The following MGAT4C variants were observed in gnomAD, a reference collection of about 807,000 sequenced individuals.
The protein encoded by MGAT4C is MGAT4 family member C.
A neutral mutation model predicts 40.1 loss-of-function variants in MGAT4C; 19 were observed. The observed-to-expected ratio is 0.47, with a 90% CI of 0.33 to 0.70. The LOEUF (loss-of-function observed/expected upper bound fraction) is 0.70. Among genes scored for constraint, MGAT4C ranks in the 30% least tolerant of loss-of-function variants. The pLI is 0.02. For synonymous variants in MGAT4C, 181 were observed against 187.1 expected (o/e 0.97, Z 0.27); for missense variants, 491 against 563.2 (o/e 0.87, Z 1.30).
At chr12:86,363,999 CAA>C (rs1491514329) in intron 3 of MGAT4C, among the ~76,000 whole-genome samples, 5 of 150,336 alleles carry the variant, frequency 3.3e-5, no homozygotes, top group Admixed American at 6.6e-5. Context: ...CACAGAGACA[CAA>C]ACACACACAT....
chr12:86,608,226 T>C lies in MGAT4C; in HGVS notation c.-229+118983A>G, dbSNP rs753560335. On this transcript the variant is annotated intron_variant, in intron 2 of 7. Coordinates refer to the MGAT4C transcript ENST00000548651. The stretch of plus-strand genomic sequence containing the variant: ...AGTCCATAATGGAAAGAGCTCAAAA[T>C]AGATGTATCACATAAAGCATAAAAG... Among the ~76,000 whole-genome samples the C allele has an allele frequency of 3.3e-5, 5 of 152,060 alleles. 1 individual carries two copies. Among genetic ancestry groups the C allele is most frequent in the Middle Eastern group, 6.8e-3 (2 of 294 alleles).
In MGAT4C at chr12:86,349,767, A is replaced by C. The variant is rs150555923; in HGVS notation, c.-119-15640T>G. On this transcript the variant is annotated intron_variant, in intron 3 of 7. Transcript: ENST00000548651. ...TTGTTTTAACTCCAACTTTCAGTAC[A>C]TCTTTACTATGGACTTGCTACATAT... Among the ~76,000 whole-genome samples, 460 of 152,236 alleles carry C rather than the reference A, an allele frequency of 3.0e-3. 2 individuals are homozygous for C. Among genetic ancestry groups the C allele is most frequent in the African/African-American group, 0.011 (438 of 41,578 alleles).
intron 1 of MGAT4C, among the ~76,000 whole-genome samples, chr12:86,242,074 C>T (rs776302367): frequency 4.6e-5 from 7 of 152,262 alleles, no homozygotes; most frequent in Non-Finnish European, 7.4e-5. Context: ...TGCCCAGTTG[C>T]CTCCCTTTGC....
intron 1 of MGAT4C, among the ~76,000 whole-genome samples, chr12:86,743,061 TATGTGTGTATGC>T (rs1405682507): frequency 6.7e-6 from 1 of 148,476 alleles, no homozygotes; most frequent in South Asian, 2.1e-4. Context: ...TGTGTATGTG[TATGTGTGTATGC>T]ATGTGTGTAT....
At chr12:86,665,040 A>T (rs535996047) in intron 2 of MGAT4C, among the ~76,000 whole-genome samples, 2 of 152,140 alleles carry the variant, frequency 1.3e-5, no homozygotes, top group African/African-American at 4.8e-5. Context: ...AATAATCAAT[A>T]ATCTAGCCCC....
chr12:86,445,154 T>C (rs1219186354), intron 2 of MGAT4C, among the ~76,000 whole-genome samples: 1 of 152,156 alleles, frequency 6.6e-6, no homozygotes, highest in East Asian at 1.9e-4. Context: ...ACTTATCAAA[T>C]CTCACACTTT....
chr12:86,088,313 G>A (rs1405345700), intron 1 of MGAT4C, among the ~76,000 whole-genome samples: 3 of 151,924 alleles, frequency 2.0e-5, no homozygotes, highest in East Asian at 1.9e-4. Context: ...ACAAGCCCTG[G>A]CAAAGATTTT....
At chr12:86,386,573 T>G (rs2136224653) in intron 3 of MGAT4C, among the ~76,000 whole-genome samples, 1 of 152,330 alleles carries the variant, frequency 6.6e-6, no homozygotes, top group African/African-American at 2.4e-5. Flanking sequence ...AAAACAGAAT[T>G]GTATACATAG....
At position 86,387,541 on chromosome 12, in the gene MGAT4C, G is replaced by T. The variant is rs549194116; in HGVS notation, c.-120+47616C>A. Among the ~76,000 whole-genome samples the T allele has an allele frequency of 3.9e-5, 6 of 152,104 alleles. No homozygotes were observed. In the South Asian group the frequency reaches 1.2e-3, roughly 32 times the overall value. The stretch of plus-strand genomic sequence containing the variant: ...ATATTTACTTATAATAAATTCATAA[G>T]CTAAACATGAAGAACTGCTGAGGGA... On this transcript the variant is annotated intron_variant, in intron 3 of 7. Coordinates refer to the MGAT4C transcript ENST00000548651.
chr12:86,551,861 T>C (rs1959379552), intron 2 of MGAT4C, among the ~76,000 whole-genome samples: 1 of 152,042 alleles, frequency 6.6e-6, no homozygotes, highest in Non-Finnish European at 1.5e-5. Context: ...ACACAGAGAT[T>C]ACACTATTGT....
intron 2 of MGAT4C, among the ~76,000 whole-genome samples, chr12:86,496,802 G>A (rs1476844093): frequency 6.6e-6 from 1 of 151,896 alleles, no homozygotes; most frequent in East Asian, 1.9e-4. Context: ...ATCACTAAAT[G>A]CTTTTAAATA....
chr12:86,810,252 CTTATG>C (rs772086561), intron 1 of MGAT4C, among the ~76,000 whole-genome samples: 2 of 151,680 alleles, frequency 1.3e-5, no homozygotes, highest in Non-Finnish European at 2.9e-5. Context: ...GTTGTGATTT[CTTATG>C]TTATAAGAAA....
At chr12:86,352,330 T>A (rs377156583) in intron 3 of MGAT4C, among the ~76,000 whole-genome samples, 63 of 152,230 alleles carry the variant, frequency 4.1e-4, no homozygotes, top group African/African-American at 1.4e-3. Context: ...TTGAAAAAAA[T>A]TAGTTCAATT....
At chr12:86,192,585 C>A (rs1889641563) in intron 1 of MGAT4C, among the ~76,000 whole-genome samples, 1 of 152,152 alleles carries the variant, frequency 6.6e-6, no homozygotes, top group African/African-American at 2.4e-5. Flanking sequence ...AGGTGAAGTG[C>A]AAAGTGTGGC....
chr12:86,504,382 T>G (rs1958433278), intron 2 of MGAT4C, among the ~76,000 whole-genome samples: 1 of 152,262 alleles, frequency 6.6e-6, no homozygotes, highest in South Asian at 2.1e-4. Context: ...AAAACTAGAA[T>G]CATCCCAAAT....
chr12:86,213,097 C>A (rs1174138312), intron 1 of MGAT4C, among the ~76,000 whole-genome samples: 3 of 152,018 alleles, frequency 2.0e-5, no homozygotes, highest in Non-Finnish European at 4.4e-5. Flanking sequence ...AATAGCTACA[C>A]TCCTGGAACA....
chr12:86,750,006 T>TGGA (rs1565963895), intron 1 of MGAT4C, among the ~76,000 whole-genome samples: 41 of 151,800 alleles, frequency 2.7e-4, no homozygotes, highest in African/African-American at 8.5e-4. Context: ...AATCAATGTA[T>TGGA]TTGTTGGATT....
chr12:86,810,274 T>C (rs931635574), intron 1 of MGAT4C, among the ~76,000 whole-genome samples: 3 of 151,960 alleles, frequency 2.0e-5, no homozygotes, highest in African/African-American at 7.2e-5. Flanking sequence ...GAAATAATCA[T>C]GTAGTCTACA....
chr12:86,161,682 G>GCATA (rs1182302864), intron 1 of MGAT4C, among the ~76,000 whole-genome samples: 2 of 152,088 alleles, frequency 1.3e-5, no homozygotes, highest in Non-Finnish European at 2.9e-5. Context: ...AAGAGCTTCT[G>GCATA]CATAGCAAAA....
Sources: gnomAD v4.1 joint callset for allele counts (sites outside exome capture counted in the v4.1 genomes callset) on GRCh38, gnomAD v4.1.1 for gene constraint, MANE v1.5 for transcripts, NCBI Gene and HGNC (gene_info 2026-07-23, HGNC 2026-07-21) for gene names.